Variants in SCN1A observed in about 807,000 individuals in gnomAD.
The protein encoded by SCN1A is sodium channel protein type 1 subunit alpha.
In SCN1A, 13 loss-of-function variants were observed where a neutral mutation model predicts 193.7. That is an observed-to-expected ratio of 0.07 (90% confidence interval 0.04 to 0.11). The LOEUF (loss-of-function observed/expected upper bound fraction) is 0.11. SCN1A is among the 10% of genes least tolerant of loss of function. The pLI is 1.00. For missense variants in SCN1A, 1,432 were observed against 2,451.1 expected (o/e 0.58, Z 8.78); for synonymous variants, 781 against 843.6 (o/e 0.93, Z 1.29).
At chr2:166,125,118 G>A (rs72875685) in intron 2 of SCN1A, among the ~76,000 whole-genome samples, 7,300 of 152,196 alleles carry the variant, frequency 0.048, 238 homozygotes, top group South Asian at 0.07. Context: ...CTAAACTAAT[G>A]CAATCTCAAT....
chr2:166,115,907 T>C (rs920334410), intron 2 of SCN1A, among the ~76,000 whole-genome samples: 3 of 152,126 alleles, frequency 2.0e-5, no homozygotes, highest in Admixed American at 2.0e-4. Flanking sequence ...ATACAGGACC[T>C]AGGCACAACA....
chr2:165,985,438 GAAGGGAAGGAA>G (rs1405914096), downstream of SCN1A: 1 of 151,712 alleles, frequency 6.6e-6, no homozygotes, highest in Non-Finnish European at 1.5e-5. Flanking sequence ...AAAAGGAAGG[GAAGGGAAGGAA>G]AAGGGAAGGG....
chr2:166,016,065 C>T lies in SCN1A; in HGVS notation c.3430-338G>A, dbSNP rs1000932943. The T allele has an allele frequency of 5.2e-5, 15 of 290,980 alleles. 1 individual carries two copies. Among genetic ancestry groups the T allele is most frequent in the Middle Eastern group, 2.3e-3 (2 of 858 alleles). The allele number at this position is 290,980 out of a possible 1,614,324, so 18.0% of individuals were successfully genotyped here. A position where few individuals can be genotyped will look rare whatever the true frequency, so the allele number is the denominator to read the frequency against. On this transcript the variant is annotated intron_variant, in intron 19 of 28. Transcript: ENST00000674923. Reference sequence around the variant, plus strand: ...GGGAGGAAGAGAAAGGGAAAAGGAGCAGGAGAGAAAGAGAAAGCTTACCTT... The same window carrying T: ...GGGAGGAAGAGAAAGGGAAAAGGAGTAGGAGAGAAAGAGAAAGCTTACCTT...
chr2:166,084,774 G>A (rs1305699942), intron 2 of SCN1A, among the ~76,000 whole-genome samples: 1 of 152,036 alleles, frequency 6.6e-6, no homozygotes, highest in Non-Finnish European at 1.5e-5. Flanking sequence ...AATAATTTAA[G>A]GGTACCCTGA....
intron 19 of SCN1A, among the ~76,000 whole-genome samples, chr2:166,035,264 T>C (rs1368945010): frequency 1.3e-5 from 2 of 152,182 alleles, no homozygotes; most frequent in Non-Finnish European, 2.9e-5. Flanking sequence ...CACATTTCTT[T>C]CCAGGTTATT....
intron 21 of SCN1A, 111 bp from the exon 22 acceptor site, chr2:166,012,393 G>C: frequency 2.4e-6 from 2 of 820,754 alleles, no homozygotes; most frequent in South Asian, 1.7e-5. Flanking sequence ...GGAGGGCAGA[G>C]AAACAGTAGT....
chr2:166,065,576 C>T (rs1200075518), intron 4 of SCN1A, among the ~76,000 whole-genome samples: 1 of 152,136 alleles, frequency 6.6e-6, no homozygotes, highest in Non-Finnish European at 1.5e-5. Flanking sequence ...CTACCTGACT[C>T]TGAAGAGAGT....
chr2:166,091,362 T>C (rs1221118939), intron 2 of SCN1A, among the ~76,000 whole-genome samples: 1 of 152,182 alleles, frequency 6.6e-6, no homozygotes, highest in Non-Finnish European at 1.5e-5. Context: ...AAACTAGACA[T>C]ATAGCAATTT....
intron 4 of SCN1A, among the ~76,000 whole-genome samples, chr2:166,069,832 G>C (rs537938159): frequency 6.6e-6 from 1 of 152,142 alleles, no homozygotes; most frequent in Non-Finnish European, 1.5e-5. Context: ...CACACCCCCA[G>C]TATCAGCATT....
At chr2:166,015,570 C>T (rs764118654) in intron 20 of SCN1A, 37 bp downstream of exon 20, 1 of 1,611,268 alleles carries the variant, frequency 6.2e-7, no homozygotes. Context: ...AAGCTGCACT[C>T]CAAATGAAAG....
At chr2:166,003,722 G>T (rs1691261466) in intron 23 of SCN1A, among the ~76,000 whole-genome samples, 1 of 151,590 alleles carries the variant, frequency 6.6e-6, no homozygotes, top group Admixed American at 6.6e-5. Context: ...AGGGGCAGCT[G>T]CCTCAAACTT....
intron 1 of SCN1A, among the ~76,000 whole-genome samples, chr2:166,147,045 G>C (rs1182280873): frequency 1.3e-5 from 2 of 151,472 alleles, no homozygotes; most frequent in Admixed American, 6.6e-5. Flanking sequence ...ACAGTCACCT[G>C]GAGGAAAGGC....
At chr2:166,027,479 G>C (rs1694948448) in intron 19 of SCN1A, among the ~76,000 whole-genome samples, 2 of 151,770 alleles carry the variant, frequency 1.3e-5, no homozygotes, top group Admixed American at 1.3e-4. Context: ...ATAGAGTTTA[G>C]TAGGAGTTCA....
At chr2:166,042,255 G>T (rs1186619896) in intron 15 of SCN1A, 37 bp downstream of exon 15, 1 of 1,600,484 alleles carries the variant, frequency 6.2e-7, no homozygotes, top group East Asian at 2.2e-5. Flanking sequence ...TAAGTTTGGT[G>T]AAAATAATTG....
chr2:166,103,367 C>T (rs1688334372), intron 2 of SCN1A, among the ~76,000 whole-genome samples: 1 of 151,946 alleles, frequency 6.6e-6, no homozygotes, highest in Non-Finnish European at 1.5e-5. Flanking sequence ...AGGAGAATCA[C>T]TTGAACCCGG....
chr2:166,050,001 C>T (rs1698341330), intron 9 of SCN1A, among the ~76,000 whole-genome samples: 2 of 151,964 alleles, frequency 1.3e-5, no homozygotes, highest in Non-Finnish European at 2.9e-5. Context: ...TTATTCCATA[C>T]ATAGTTCTGT....
In SCN1A at chr2:166,037,813, G is replaced by A. The variant is rs1559198705; in HGVS notation, c.2909C>T (p.Thr970Ile). Residue 970 changes from threonine (T) to isoleucine (I), a missense_variant, in exon 18 of 29, where the codon ACT becomes ATT. Thr to Ile is a moderately conservative substitution (Grantham distance 89). Around this residue, in one of 18 missense-constraint regions of SCN1A, gnomAD observed 93 missense variants for 260.4 expected, o/e 0.36. Transcript: ENST00000674923. The stretch of plus-strand genomic sequence containing the variant: ...AATCACCATGACCATCATGAAGACA[G>A]TAAGGCACATGGCTTGACCAGCAAC... The part of the protein sequence containing the change: ...MEVAGQAMCL[T>I]VFMMVMVIGN... The A allele has an allele frequency of 1.2e-6, 2 of 1,614,172 alleles. No homozygotes were observed. The highest frequency in any genetic ancestry group is 3.3e-5 in the Admixed American group (2 of 60,022).
intron 12 of SCN1A, among the ~76,000 whole-genome samples, 153 bp downstream of exon 12, chr2:166,046,613 ATAAT>A (rs1697849972): frequency 1.3e-5 from 2 of 152,214 alleles, no homozygotes; most frequent in Admixed American, 6.5e-5. Context: ...CTCAAATAAA[ATAAT>A]TAAACTAAAT....
intron 2 of SCN1A, 105 bp downstream of exon 2, chr2:166,126,815 TACCC>T (rs1691298486): frequency 6.6e-6 from 1 of 152,192 alleles, no homozygotes; most frequent in African/African-American, 2.4e-5. Flanking sequence ...GAAAAGCACA[TACCC>T]ACCACTCCAG....
Sources: gnomAD v4.1 joint callset for allele counts (sites outside exome capture counted in the v4.1 genomes callset) on GRCh38, gnomAD v4.1.1 for gene constraint, gnomAD v4.1.1 regional missense constraint, MANE v1.5 for transcripts, NCBI Gene and HGNC (gene_info 2026-07-23, HGNC 2026-07-21) for gene names.